GLRA1: variants seen among roughly 807,000 people sequenced by gnomAD.
The protein encoded by GLRA1 is glycine receptor alpha 1.
GLRA1 carries 37 observed loss-of-function variants against 48.3 expected under a neutral mutation model. That is an observed-to-expected ratio of 0.77 (90% CI 0.59 to 1.01). GLRA1 has a LOEUF of 1.01. Ranked by LOEUF, GLRA1 falls within the 50% of genes least tolerant of loss-of-function variation. The pLI is 0.00. For missense variants in GLRA1, 427 were observed against 571.0 expected (o/e 0.75, Z 2.57); for synonymous variants, 196 against 210.7 (o/e 0.93, Z 0.60).
chr5:151,832,504 C>CA (rs1763449162), intron 7 of GLRA1, among the ~76,000 whole-genome samples: 1 of 152,128 alleles, frequency 6.6e-6, no homozygotes, highest in South Asian at 2.1e-4. Flanking sequence ...GTGAAGCATA[C>CA]ACAAGTATCG....
At chr5:151,845,955 C>T (rs1268566465) in intron 7 of GLRA1, among the ~76,000 whole-genome samples, 3 of 152,112 alleles carry the variant, frequency 2.0e-5, no homozygotes, top group Non-Finnish European at 2.9e-5. Flanking sequence ...AGAAGCCAAT[C>T]GTAAAAGGCC....
Position 151,859,818 on chromosome 5 carries a change from A to T in GLRA1, c.443T>A (p.Ile148Asn). ...GTAGAGGACATTCCCATTCCGGGAG[A>T]TCCTTAGCAATTTGTTGTCTGTGGT... is the stretch of plus-strand genomic sequence containing the variant. Reference protein sequence around the residue: ...EITTDNKLLRISRNGNVLYSI... With the variant: ...EITTDNKLLRNSRNGNVLYSI... The change falls in exon 4 of 9, where the codon ATC becomes AAC. Residue 148 changes from isoleucine to asparagine, a missense_variant. Ile to Asn is a moderately radical substitution (Grantham distance 149, BLOSUM62 -3). This residue lies in a region of GLRA1 where 271 missense variants were observed against 434.9 expected (regional missense o/e 0.62). Transcript: ENST00000274576. 6.2e-7 allele frequency: 1 copy of T among 1,613,856 alleles called. No individual in the cohort carries two copies. The highest frequency in any genetic ancestry group is 8.5e-7 in the Non-Finnish European group (1 of 1,179,862).
chr5:151,827,029 G>GTTTTTTTTTTTTTTTTTTTTTTT (rs199505206), intron 8 of GLRA1, among the ~76,000 whole-genome samples: 3 of 126,782 alleles, frequency 2.4e-5, no homozygotes, highest in African/African-American at 8.7e-5. Context: ...CTTTCTTTCT[G>GTTTTTTTTTTTTTTTTTTTTTTT]TTTTTTTTTT....
intron 7 of GLRA1, among the ~76,000 whole-genome samples, chr5:151,838,160 G>C (rs942103658): frequency 7.9e-5 from 12 of 152,110 alleles, no homozygotes; most frequent in African/African-American, 2.7e-4. Flanking sequence ...GAAAATATGA[G>C]AGCAGTGTCT....
chr5:151,892,354 C>T lies in GLRA1; in HGVS notation c.141G>A (p.Gly47=). The change falls in exon 2 of 9, where the codon GGG becomes GGA. Residue 47 remains glycine, a synonymous_variant. Coordinates refer to ENST00000274576, the MANE Select transcript of GLRA1 (RefSeq NM_000171.4). The stretch of plus-strand genomic sequence containing the variant: ...TCCTGGCATCATATCCGGAGGTTCT[C>T]CCCATTAGCTTATCCAGGAAATCCG... ...SPSDFLDKLM[G]RTSGYDARIR... 9.3e-6 allele frequency: 15 copies of T among 1,613,992 alleles called. No homozygotes were observed. The highest frequency in any genetic ancestry group is 1.3e-5 in the Non-Finnish European group (15 of 1,179,858).
rs116541316 is a variant in GLRA1 at position 151,899,544 on chromosome 5, G to T, written c.57-7106C>A. Reference sequence around the variant, plus strand: ...TGGCACTCTTGGCTTTCTAGGCTGAGCCAGTTTCCCATCCCCGGCTCTGAC... The same window carrying T: ...TGGCACTCTTGGCTTTCTAGGCTGATCCAGTTTCCCATCCCCGGCTCTGAC... On this transcript the variant is annotated intron_variant, in intron 1 of 8. Transcript: ENST00000274576. Among the ~76,000 whole-genome samples the T allele has an allele frequency of 8.0e-3, 1,214 of 152,194 alleles. 19 individuals carry two copies. The highest frequency in any genetic ancestry group is 0.028 in the African/African-American group (1,142 of 41,518).
chr5:151,878,117 T>C (rs989737475), intron 3 of GLRA1, among the ~76,000 whole-genome samples: 3 of 152,206 alleles, frequency 2.0e-5, no homozygotes, highest in African/African-American at 4.8e-5. Context: ...AGAATGCTGA[T>C]AGCAATATGG....
At chr5:151,826,303 G>A (rs761259401) in intron 8 of GLRA1, among the ~76,000 whole-genome samples, 2 of 152,116 alleles carry the variant, frequency 1.3e-5, no homozygotes, top group Non-Finnish European at 2.9e-5. Context: ...AACACTCCAG[G>A]CCAAAGTACA....
At chr5:151,917,747 C>T (rs773185327) in intron 1 of GLRA1, among the ~76,000 whole-genome samples, 16 of 152,148 alleles carry the variant, frequency 1.1e-4, no homozygotes, top group Non-Finnish European at 1.5e-4. Context: ...TCCTTCCTAC[C>T]GCAAGATTCC....
intron 1 of GLRA1, among the ~76,000 whole-genome samples, chr5:151,916,950 G>A (rs1329549577): frequency 2.0e-5 from 3 of 152,172 alleles, no homozygotes; most frequent in Non-Finnish European, 2.9e-5. Flanking sequence ...TATGAGAAAG[G>A]ACAGAGTGTG....
At chr5:151,912,206 T>A (rs1187439131) in intron 1 of GLRA1, among the ~76,000 whole-genome samples, 1 of 151,484 alleles carries the variant, frequency 6.6e-6, no homozygotes, top group East Asian at 1.9e-4. Context: ...ATACATTTAT[T>A]CAAGCACCCT....
intron 2 of GLRA1, among the ~76,000 whole-genome samples, chr5:151,892,053 T>A (rs954766952): frequency 6.6e-6 from 1 of 152,184 alleles, no homozygotes; most frequent in Non-Finnish European, 1.5e-5. Context: ...CTTCCCATCA[T>A]ACAAGAAGTA....
At chr5:151,883,256 A>G (rs1471185516) in intron 3 of GLRA1, among the ~76,000 whole-genome samples, 1 of 152,098 alleles carries the variant, frequency 6.6e-6, no homozygotes, top group Non-Finnish European at 1.5e-5. Flanking sequence ...TGTTATCTCC[A>G]TTATCATTAC....
rs1554087532 is a variant in GLRA1 at position 151,912,280 on chromosome 5, T to TTC, written c.56+12213_56+12214insGA. On this transcript the variant is annotated intron_variant, in intron 1 of 8. Coordinates refer to ENST00000274576, the MANE Select transcript of GLRA1 (RefSeq NM_000171.4). ...GAAGACTGTTTTTTTTTTTTTTTTT[T>TTC]CTACTAGATGTTTTAGGTCACATTG... 6.0e-5 allele frequency among the ~76,000 whole-genome samples: 9 copies of TTC among 150,800 alleles called. No individual in the cohort carries two copies. The East Asian group carries it at 7.7e-4, about 13-fold the overall frequency.
chr5:151,911,904 G>A (rs553318430), intron 1 of GLRA1, among the ~76,000 whole-genome samples: 9 of 151,642 alleles, frequency 5.9e-5, no homozygotes, highest in East Asian at 1.9e-4. Context: ...CACCGCGCCC[G>A]GCCCCAAGCT....
At chr5:151,864,147 G>GTGTGTT (rs1180006670) in intron 3 of GLRA1, among the ~76,000 whole-genome samples, 1 of 151,880 alleles carries the variant, frequency 6.6e-6, no homozygotes, top group Non-Finnish European at 1.5e-5. Flanking sequence ...GCATGTGTGT[G>GTGTGTT]TGTGTGTGTG....
chr5:151,844,621 C>CAAAAAAAAAAAAAAAAAAA (rs202218874), intron 7 of GLRA1, among the ~76,000 whole-genome samples: 4 of 49,738 alleles, frequency 8.0e-5, no homozygotes, highest in Non-Finnish European at 7.6e-5. Context: ...TACTCTATCT[C>CAAAAAAAAAAAAAAAAAAA]AAAAAAAAAA....
At chr5:151,869,384 A>G (rs958491149) in intron 3 of GLRA1, among the ~76,000 whole-genome samples, 1 of 151,292 alleles carries the variant, frequency 6.6e-6, no homozygotes, top group African/African-American at 2.4e-5. Context: ...GATTACAGGC[A>G]TGAGCCACCA....
chr5:151,865,252 T>A (rs1753303198), intron 3 of GLRA1, among the ~76,000 whole-genome samples: 1 of 152,098 alleles, frequency 6.6e-6, no homozygotes, highest in Non-Finnish European at 1.5e-5. Flanking sequence ...AGGGCTCTGA[T>A]AGGGGTTAAA....
Sources: gnomAD v4.1 joint callset for allele counts (sites outside exome capture counted in the v4.1 genomes callset) on GRCh38, gnomAD v4.1.1 for gene constraint, gnomAD v4.1.1 regional missense constraint, MANE v1.5 for transcripts, NCBI Gene and HGNC (gene_info 2026-07-23, HGNC 2026-07-21) for gene names.